Variants in MTHFD2L observed in about 807,000 individuals in gnomAD.
The protein encoded by MTHFD2L is methylenetetrahydrofolate dehydrogenase (NADP+ dependent) 2 like.
A neutral mutation model predicts 34.9 loss-of-function variants in MTHFD2L; 29 were observed. That is an observed-to-expected ratio of 0.83 (90% CI 0.62 to 1.13). The LOEUF is 1.13. Ranked by LOEUF, MTHFD2L falls within the 50% of genes most tolerant of loss-of-function variation. MTHFD2L has a pLI of 0.00. For synonymous variants in MTHFD2L, 167 were observed against 155.7 expected (o/e 1.07, Z -0.54); for missense variants, 481 against 446.5 (o/e 1.08, Z -0.70).
chr4:74,158,034 C>T (rs1724492314), upstream of MTHFD2L: 9 of 1,495,514 alleles, frequency 6.0e-6, no homozygotes, highest in Middle Eastern at 8.5e-4. Context: ...GGAAGCGCTA[C>T]TTGCTGCCCT....
intron 7 of MTHFD2L, among the ~76,000 whole-genome samples, chr4:74,290,007 C>G (rs1425026493): frequency 6.6e-6 from 1 of 152,148 alleles, no homozygotes; most frequent in Admixed American, 6.5e-5. Context: ...GTTTTATGCA[C>G]TCAATAGCAG....
At chr4:74,158,029 C>T (rs1490016944), upstream of MTHFD2L, 7 of 1,472,910 alleles carry the variant, frequency 4.8e-6, no homozygotes, top group Non-Finnish European at 4.6e-6. Flanking sequence ...GGCTGGGAAG[C>T]GCTACTTGCT....
At chr4:74,213,016 C>G (rs1560493940) in intron 5 of MTHFD2L, among the ~76,000 whole-genome samples, 1 of 151,844 alleles carries the variant, frequency 6.6e-6, no homozygotes, top group Non-Finnish European at 1.5e-5. Flanking sequence ...GGATTGCAAC[C>G]CCTGCTTTTT....
At chr4:74,170,580 AAAT>A (rs1468923015) in intron 1 of MTHFD2L, among the ~76,000 whole-genome samples, 1 of 152,226 alleles carries the variant, frequency 6.6e-6, no homozygotes, top group Non-Finnish European at 1.5e-5. Flanking sequence ...TAAAAGGAAA[AAAT>A]AATAAATTGG....
chr4:74,253,980 G>A (rs1234784120), intron 6 of MTHFD2L, among the ~76,000 whole-genome samples: 1 of 152,142 alleles, frequency 6.6e-6, no homozygotes, highest in Non-Finnish European at 1.5e-5. Context: ...CTTCCTCAGT[G>A]GACCCCAGTA....
chr4:74,152,366 C>G (rs1723995371), intron 1 of MTHFD2L, among the ~76,000 whole-genome samples: 1 of 152,026 alleles, frequency 6.6e-6, no homozygotes. Context: ...TTTTCTACTT[C>G]ATGAATCAAT....
At chr4:74,190,684 C>A in intron 3 of MTHFD2L, 1 of 215,294 alleles carries the variant, frequency 4.6e-6, no homozygotes, top group Non-Finnish European at 7.9e-6. Context: ...TAAGTATTTG[C>A]TGTCTTGAAA....
rs565329330 is a variant in MTHFD2L, at chr4:74,293,507, A to G, written c.932-8190A>G. On this transcript the variant is annotated intron_variant, in intron 7 of 7. Coordinates refer to ENST00000325278, the MANE Select transcript of MTHFD2L (RefSeq NM_001144978.3). ...ACCACAGGATGCCACGATAATGAAC[A>G]TCTCAATATATTTAGAAAACTTGTG... 9.2e-6 allele frequency: 9 copies of G among 983,258 alleles called. No homozygotes were observed. The South Asian group carries it at 2.4e-4, about 26-fold the overall frequency. The allele number at this position is 983,258 out of a possible 1,614,324, so 60.9% of individuals were successfully genotyped here.
chr4:74,161,527 T>C (rs1180644692), intron 1 of MTHFD2L: 1 of 152,236 alleles, frequency 6.6e-6, no homozygotes, highest in Non-Finnish European at 1.5e-5. Context: ...ATTCAAAAAC[T>C]AAGTGTTTCA....
chr4:74,246,955 G>A (rs1310246064), intron 6 of MTHFD2L, among the ~76,000 whole-genome samples: 8 of 152,108 alleles, frequency 5.3e-5, no homozygotes, highest in South Asian at 2.1e-4. Context: ...TTGACTTGGC[G>A]ATGCGGCCTC....
chr4:74,216,411 A>G (rs1171687876), intron 5 of MTHFD2L, among the ~76,000 whole-genome samples: 14 of 151,986 alleles, frequency 9.2e-5, no homozygotes. Context: ...GTCAGCAAGT[A>G]TATTTTAGAA....
chr4:74,269,292 G>C (rs1260190647), intron 6 of MTHFD2L, among the ~76,000 whole-genome samples: 1 of 152,076 alleles, frequency 6.6e-6, no homozygotes, highest in Non-Finnish European at 1.5e-5. Context: ...TTCTCCATAA[G>C]CCTTCTTTGT....
In MTHFD2L at chr4:74,301,958, T is replaced by C; in HGVS notation, c.*149T>C. ...ATCATTGTGAATCAATTGATTCACA[T>C]AGTTTTATGCATTTCCTGCTAATTT... On this transcript the variant is annotated 3_prime_UTR_variant, in exon 8 of 8. Transcript: ENST00000325278. The C allele has an allele frequency of 2.2e-6, 1 of 452,220 alleles. No individual in the cohort carries two copies. Among genetic ancestry groups the C allele is most frequent in the Non-Finnish European group, 4.0e-6 (1 of 252,308 alleles). The allele number at this position is 452,220 out of a possible 1,614,324, so 28.0% of individuals were successfully genotyped here. A position where few individuals can be genotyped will look rare whatever the true frequency, so the allele number is the denominator to read the frequency against.
At chr4:74,167,910 C>CT (rs1727080438) in intron 1 of MTHFD2L, among the ~76,000 whole-genome samples, 2 of 152,032 alleles carry the variant, frequency 1.3e-5, no homozygotes, top group African/African-American at 2.4e-5. Context: ...TTCTGTTTTT[C>CT]TTTTTTTCAT....
upstream of MTHFD2L, among the ~76,000 whole-genome samples, chr4:74,118,886 T>C (rs1301810171): frequency 6.6e-6 from 1 of 152,202 alleles, no homozygotes; most frequent in Non-Finnish European, 1.5e-5. Flanking sequence ...CACACCCTAT[T>C]GTGAACTGCG....
intron 4 of MTHFD2L, among the ~76,000 whole-genome samples, chr4:74,200,162 A>G (rs774240335): frequency 1.3e-5 from 2 of 152,138 alleles, no homozygotes; most frequent in African/African-American, 2.4e-5. Flanking sequence ...AATACAAAAA[A>G]TTAGCCAGGT....
intron 6 of MTHFD2L, chr4:74,266,926 C>T: frequency 3.0e-6 from 3 of 985,290 alleles, no homozygotes; most frequent in Non-Finnish European, 3.6e-6. Flanking sequence ...TCTAGACTAT[C>T]TGGCTTTCAG....
chr4:74,203,118 GAATTA>G lies in MTHFD2L; in HGVS notation c.712+1752_712+1756del, dbSNP rs371913667. 1.5e-3 allele frequency among the ~76,000 whole-genome samples: 230 copies of G among 152,150 alleles called. 2 individuals are homozygous for G. Among genetic ancestry groups the G allele is most frequent in the African/African-American group, 5.2e-3 (214 of 41,530 alleles). ...AATATTTTCCCTTTCTATGCCTAAA[GAATTA>G]AATATTGCCAGAAATCAATACATAT... On this transcript the variant is annotated intron_variant, in intron 5 of 7. Coordinates refer to ENST00000325278, the MANE Select transcript of MTHFD2L (RefSeq NM_001144978.3).
intron 5 of MTHFD2L, among the ~76,000 whole-genome samples, chr4:74,209,493 C>T (rs1735938164): frequency 6.6e-6 from 1 of 152,182 alleles, no homozygotes; most frequent in Non-Finnish European, 1.5e-5. Flanking sequence ...TGGTTTCTAG[C>T]TTCATCCATG....
Sources: allele counts gnomAD v4.1 joint callset (sites outside exome capture counted in the v4.1 genomes callset), GRCh38; gene constraint gnomAD v4.1.1; transcripts MANE v1.5; gene names NCBI Gene and HGNC (gene_info 2026-07-23, HGNC 2026-07-21).